The following BCOR variants were observed in gnomAD, a reference collection of about 807,000 sequenced individuals.
The protein encoded by BCOR is BCL-6 corepressor.
A neutral mutation model predicts 86.7 loss-of-function variants in BCOR; 10 were observed. The ratio of observed to expected loss-of-function variants is 0.12; its 90% CI spans 0.07 to 0.20. The LOEUF is 0.20. Ranked by LOEUF, BCOR falls within the 10% of genes least tolerant of loss-of-function variation. BCOR has a pLI of 1.00. For synonymous variants in BCOR, 611 were observed against 609.0 expected (o/e 1.00, Z -0.05); for missense variants, 1,259 against 1,452.1 (o/e 0.87, Z 2.16).
intron 9 of BCOR, among the ~76,000 whole-genome samples, 163 bp downstream of exon 9, chrX:40,062,579 GAAAC>G (rs1934945845): frequency 9.1e-6 from 1 of 109,948 alleles, no homozygotes; most frequent in African/African-American, 3.3e-5. Context: ...TTACTAGTTT[GAAAC>G]TTCGCTGCCA....
intron 1 of BCOR, among the ~76,000 whole-genome samples, chrX:40,172,767 G>A (rs895886140): frequency 4.4e-5 from 5 of 113,125 alleles, no homozygotes; most frequent in African/African-American, 1.6e-4. Flanking sequence ...CGCGGGAGAA[G>A]CCCGGGGGCG....
intron 8 of BCOR, 39 bp from the exon 9 acceptor site, chrX:40,063,110 G>GA: frequency 1.2e-5 from 8 of 644,525 alleles, no homozygotes; most frequent in East Asian, 5.7e-5. Context: ...GGGCGGATGG[G>GA]AGACGGGAGA....
At chrX:40,171,735 A>C (rs774081659) in intron 1 of BCOR, among the ~76,000 whole-genome samples, 1 of 112,862 alleles carries the variant, frequency 8.9e-6, no homozygotes, top group Non-Finnish European at 1.9e-5. Context: ...CCAGGTTTTT[A>C]TTCTTCCAGC....
At chrX:40,052,556 T>C (rs1004948754) in intron 14 of BCOR, among the ~76,000 whole-genome samples, 156 bp from the exon 15 acceptor site, 1 of 39,296 alleles carries the variant, frequency 2.5e-5, no homozygotes, top group Non-Finnish European at 4.4e-5. Context: ...CTGATCACCA[T>C]TTTTTTTTTT....
In BCOR at chrX:40,153,286, G is replaced by A. The variant is rs773876358; in HGVS notation, c.-41+23721C>T. On this transcript the variant is annotated intron_variant, in intron 1 of 14. Transcript: ENST00000342274. ...GGCCTTCCAACCTTGGGGTGCGCGAGGAAGCAAAGACCCAGGGGGCACCCC... is the reference window on the plus strand; with the variant it reads ...GGCCTTCCAACCTTGGGGTGCGCGAAGAAGCAAAGACCCAGGGGGCACCCC... 1.3e-4 allele frequency among the ~76,000 whole-genome samples: 15 copies of A among 112,849 alleles called. No homozygotes were observed. In the East Asian group the frequency reaches 4.2e-3, roughly 32 times the overall value.
intron 1 of BCOR, among the ~76,000 whole-genome samples, chrX:40,141,471 C>T (rs1937921970): frequency 8.9e-6 from 1 of 112,560 alleles, no homozygotes; most frequent in African/African-American, 3.2e-5. Context: ...GAGAGCGCCC[C>T]AAGGGGCAGG....
chrX:40,102,209 TG>T (rs1937085087), upstream of BCOR, among the ~76,000 whole-genome samples: 1 of 112,858 alleles, frequency 8.9e-6, no homozygotes, highest in African/African-American at 3.2e-5. Context: ...GGAGGGTTAT[TG>T]GGTGTTTGGG....
intron 1 of BCOR, among the ~76,000 whole-genome samples, chrX:40,134,467 T>TA (rs1312910354): frequency 1.8e-4 from 20 of 109,833 alleles, no homozygotes; most frequent in Non-Finnish European, 3.0e-4. Context: ...CTACTAAAAA[T>TA]AAAAAATTGG....
At chrX:40,057,438 CGGGCG>C (rs1024748459) in intron 10 of BCOR, 117 bp from the exon 11 acceptor site, 2 of 786,929 alleles carry the variant, frequency 2.5e-6, no homozygotes, top group Non-Finnish European at 3.7e-6. Context: ...GAGAACCTCT[CGGGCG>C]GGCTGTGGAT....
In BCOR at chrX:40,153,875, G is replaced by A. The variant is rs368296615; in HGVS notation, c.-41+23132C>T. Among the ~76,000 whole-genome samples the A allele has an allele frequency of 9.0e-5, 10 of 111,230 alleles. No individual in the cohort carries two copies. The East Asian group carries it at 2.3e-3, about 26-fold the overall frequency. On this transcript the variant is annotated intron_variant, in intron 1 of 14. Coordinates refer to the BCOR transcript ENST00000342274. Reference sequence around the variant, plus strand: ...GAGCCGCAGCGAGAGGCAGTGGAGAGGCAGGGCTGGCCTCGTGGCGGGAGG... The same window carrying A: ...GAGCCGCAGCGAGAGGCAGTGGAGAAGCAGGGCTGGCCTCGTGGCGGGAGG...
intron 1 of BCOR, among the ~76,000 whole-genome samples, chrX:40,145,827 C>T (rs1196710546): frequency 9.0e-6 from 1 of 111,693 alleles, no homozygotes; most frequent in Admixed American, 9.4e-5. Context: ...AGAAGCGGAC[C>T]CGGATTAGGG....
In BCOR at chrX:40,057,191, C is replaced by T. The variant is rs1368076189; in HGVS notation, c.4559G>A (p.Gly1520Asp). The T allele has an allele frequency of 6.6e-6, 8 of 1,211,933 alleles. No homozygotes were observed. Among genetic ancestry groups the T allele is most frequent in the Non-Finnish European group, 6.7e-6 (6 of 895,585 alleles). The change falls in exon 11 of 15, where the codon GGC becomes GAC. Residue 1520 changes from glycine to aspartate, a missense_variant. Coordinates refer to ENST00000378444, the MANE Select transcript of BCOR (RefSeq NM_001123385.2). ...CTGGGCACTACAGTTGACATCAGCG[C>T]CATATTCAAGGAGGTGTCGCACAAT... is the stretch of plus-strand genomic sequence containing the variant. ...LNIVRHLLEY[G>D]ADVNCSAQDG...
intron 1 of BCOR, among the ~76,000 whole-genome samples, chrX:40,106,124 TCTC>T (rs1367227223): frequency 9.0e-6 from 1 of 111,118 alleles, no homozygotes; most frequent in African/African-American, 3.3e-5. Context: ...ACGCTCCCCG[TCTC>T]CTCCGTGTCC....
intron 1 of BCOR, among the ~76,000 whole-genome samples, chrX:40,083,655 T>C (rs1283892030): frequency 9.0e-6 from 1 of 111,695 alleles, no homozygotes; most frequent in Non-Finnish European, 1.9e-5. Flanking sequence ...CAAAGGGATT[T>C]TCTCTCCCAC....
chrX:40,097,183 T>A (rs1251662140), intron 1 of BCOR, 32 bp downstream of exon 1: 2 of 62,772 alleles, frequency 3.2e-5, no homozygotes, highest in African/African-American at 6.4e-5. Flanking sequence ...CCGTCCGCGG[T>A]CTCCCGGGGG....
chrX:40,143,399 A>AT (rs1311455943), intron 1 of BCOR, among the ~76,000 whole-genome samples: 1 of 112,881 alleles, frequency 8.9e-6, no homozygotes, highest in Non-Finnish European at 1.9e-5. Flanking sequence ...TTTAAGCAGC[A>AT]TATTTGTAGC....
At chrX:40,052,980 G>T (rs67723168) in intron 14 of BCOR, among the ~76,000 whole-genome samples, 21,604 of 110,752 alleles carry the variant, frequency 0.2, 1,777 homozygotes, top group African/African-American at 0.26. Context: ...CCCTTTCTGG[G>T]GGTAAAGTCC....
intron 1 of BCOR, among the ~76,000 whole-genome samples, chrX:40,091,857 G>A (rs1017036117): frequency 1.6e-4 from 18 of 113,020 alleles, no homozygotes; most frequent in African/African-American, 5.2e-4. Context: ...AGCCGGGGCG[G>A]GTCAGGGCCG....
chrX:40,091,895 C>T (rs1004712022), intron 1 of BCOR, among the ~76,000 whole-genome samples: 1 of 108,098 alleles, frequency 9.3e-6, no homozygotes, highest in African/African-American at 3.8e-5. Flanking sequence ...CAGCTTTGGG[C>T]GAGGCCCCCA....
Sources: gnomAD v4.1 joint callset for allele counts (sites outside exome capture counted in the v4.1 genomes callset) on GRCh38, gnomAD v4.1.1 for gene constraint, MANE v1.5 for transcripts, NCBI Gene and HGNC (gene_info 2026-07-23, HGNC 2026-07-21) for gene names.